Variants in SORCS2 observed in about 807,000 individuals in gnomAD.
SORCS2 encodes the protein VPS10 domain-containing receptor SorCS2.
Under a neutral mutation model 141.6 loss-of-function variants are expected in SORCS2, and 100 were observed. The ratio of observed to expected loss-of-function variants is 0.71; its 90% confidence interval spans 0.60 to 0.83. The LOEUF (loss-of-function observed/expected upper bound fraction) is 0.83. Among genes scored for constraint, SORCS2 ranks in the 40% least tolerant of loss-of-function variants. The pLI is 0.00. For synonymous variants in SORCS2, 789 were observed against 676.9 expected, an observed-to-expected ratio of 1.17 and a Z score of -2.57; for missense variants, 1,646 against 1,560.2, an observed-to-expected ratio of 1.05 and a Z score of -0.93.
intron 2 of SORCS2, among the ~76,000 whole-genome samples, chr4:7,465,787 C>T (rs1252469053): frequency 6.6e-6 from 1 of 152,180 alleles, no homozygotes; most frequent in Non-Finnish European, 1.5e-5. Context: ...AGAACGCAAG[C>T]CCAGACAAAG....
intron 9 of SORCS2, among the ~76,000 whole-genome samples, chr4:7,679,076 C>T (rs1723344780): frequency 1.3e-5 from 2 of 152,144 alleles, no homozygotes; most frequent in African/African-American, 4.8e-5. Context: ...TCTCACTGCC[C>T]ACGGCCAGTA....
intron 3 of SORCS2, among the ~76,000 whole-genome samples, chr4:7,544,356 G>T (rs1195230226): frequency 2.0e-5 from 3 of 152,236 alleles, no homozygotes; most frequent in Non-Finnish European, 4.4e-5. Flanking sequence ...TTGTTGATTA[G>T]GTGATGTGTT....
rs373084189 is a variant in SORCS2, at chr4:7,463,734, T to G, written c.548+67379T>G. Among the ~76,000 whole-genome samples the G allele has an allele frequency of 3.3e-5, 5 of 152,330 alleles. No homozygotes were observed. In the East Asian group the frequency reaches 5.8e-4, roughly 18 times the overall value. ...TGGGGAGACGGTGGTGCCACTCTCC[T>G]GCACCGCTCTGGAGCACCGCGCCGT... On this transcript the variant is annotated intron_variant, in intron 2 of 26. Coordinates refer to ENST00000507866, the MANE Select transcript of SORCS2 (RefSeq NM_020777.3).
At chr4:7,287,612 T>C (rs545451299) in intron 1 of SORCS2, among the ~76,000 whole-genome samples, 1 of 152,244 alleles carries the variant, frequency 6.6e-6, no homozygotes, top group African/African-American at 2.4e-5. Context: ...GAAAGTCTAA[T>C]TTTACAAGTT....
At chr4:7,515,572 C>T (rs915311663) in intron 2 of SORCS2, among the ~76,000 whole-genome samples, 5 of 152,236 alleles carry the variant, frequency 3.3e-5, no homozygotes, top group African/African-American at 9.6e-5. Flanking sequence ...GCCTGGACAC[C>T]GTCCATCCTG....
chr4:7,393,679 G>T (rs569864744), intron 1 of SORCS2, among the ~76,000 whole-genome samples: 3 of 152,312 alleles, frequency 2.0e-5, no homozygotes, highest in African/African-American at 7.2e-5. Flanking sequence ...CTGGGGCATT[G>T]CGGGGGTTGC....
rs143509987 is a variant in SORCS2 at position 7,322,404 on chromosome 4, C to A, written c.481-73884C>A. Reference sequence around the variant, plus strand: ...GCCCAGCCCAGCTGCACTTGCTGAGCCTGCTCTCACTTTCCCGGGGCCTCA... The same window carrying A: ...GCCCAGCCCAGCTGCACTTGCTGAGACTGCTCTCACTTTCCCGGGGCCTCA... On this transcript the variant is annotated intron_variant, in intron 1 of 26. Transcript: ENST00000507866. Among the ~76,000 whole-genome samples, 440 of 152,346 alleles carry A rather than the reference C, an allele frequency of 2.9e-3. 4 individuals carry two copies. The highest frequency in any genetic ancestry group is 0.01 in the African/African-American group (417 of 41,578).
intron 11 of SORCS2, among the ~76,000 whole-genome samples, chr4:7,693,138 G>A (rs1471293354): frequency 6.6e-6 from 1 of 152,206 alleles, no homozygotes; most frequent in Non-Finnish European, 1.5e-5. Flanking sequence ...GAGTGCTCCT[G>A]TGTTGGAGTG....
chr4:7,208,703 A>G (rs905896825), intron 1 of SORCS2, among the ~76,000 whole-genome samples: 4 of 152,058 alleles, frequency 2.6e-5, no homozygotes, highest in Non-Finnish European at 4.4e-5. Context: ...GGGTCCCCCA[A>G]GTTTTTCTAG....
chr4:7,369,875 T>G (rs539911578), intron 1 of SORCS2, among the ~76,000 whole-genome samples: 6 of 152,190 alleles, frequency 3.9e-5, no homozygotes, highest in Non-Finnish European at 7.3e-5. Flanking sequence ...TTCCGGAGCT[T>G]TCGCACACAG....
chr4:7,580,647 C>A (rs1391346760), intron 3 of SORCS2, among the ~76,000 whole-genome samples: 1 of 152,116 alleles, frequency 6.6e-6, no homozygotes, highest in Non-Finnish European at 1.5e-5. Flanking sequence ...TTCACATCTA[C>A]CTGTTTGGGA....
At chr4:7,271,145 C>T (rs1715096472) in intron 1 of SORCS2, among the ~76,000 whole-genome samples, 1 of 152,228 alleles carries the variant, frequency 6.6e-6, no homozygotes, top group Admixed American at 6.5e-5. Context: ...CCCCTGCTCC[C>T]ACCCTGCTGC....
rs560523908 is a variant in SORCS2 at position 7,455,322 on chromosome 4, T to C, written c.548+58967T>C. ...CAGGCACTGTGTTGGGGTCAGGCTC[T>C]GTGTTGGGGTCAGGCTCCGTGTTGG... On this transcript the variant is annotated intron_variant, in intron 2 of 26. Coordinates refer to ENST00000507866, the MANE Select transcript of SORCS2 (RefSeq NM_020777.3). Among the ~76,000 whole-genome samples the C allele has an allele frequency of 3.4e-3, 206 of 60,690 alleles. 7 individuals carry two copies. The highest frequency in any genetic ancestry group is 0.016 in the African/African-American group (191 of 11,954). 39.8% of individuals were successfully genotyped at this position (60,690 alleles called of 152,430 possible).
At chr4:7,350,709 G>A (rs1397760114) in intron 1 of SORCS2, among the ~76,000 whole-genome samples, 1 of 152,206 alleles carries the variant, frequency 6.6e-6, no homozygotes, top group African/African-American at 2.4e-5. Flanking sequence ...ATGCCACTTG[G>A]CAGTCCTTCT....
intron 2 of SORCS2, among the ~76,000 whole-genome samples, chr4:7,409,191 C>A (rs1278164154): frequency 1.3e-5 from 2 of 152,164 alleles, no homozygotes; most frequent in Non-Finnish European, 2.9e-5. Context: ...TCTTCTCTGT[C>A]TGACTTGTTT....
intron 1 of SORCS2, among the ~76,000 whole-genome samples, chr4:7,252,605 CTT>C (rs1713581318): frequency 6.6e-6 from 1 of 152,258 alleles, no homozygotes; most frequent in Non-Finnish European, 1.5e-5. Context: ...GACAGCGACT[CTT>C]TATTAGCTCC....
chr4:7,426,607 G>A (rs543187502), intron 2 of SORCS2, among the ~76,000 whole-genome samples: 2 of 152,152 alleles, frequency 1.3e-5, no homozygotes, highest in Non-Finnish European at 2.9e-5. Context: ...TCAGCCCGAT[G>A]GAAATAGCAC....
intron 1 of SORCS2, among the ~76,000 whole-genome samples, chr4:7,327,969 CTCA>C (rs1177445498): frequency 1.3e-5 from 2 of 151,402 alleles, no homozygotes; most frequent in Non-Finnish European, 1.5e-5. Flanking sequence ...CCTTCTCTTC[CTCA>C]TCATCAGAGT....
At chr4:7,312,128 G>C (rs763166633) in intron 1 of SORCS2, among the ~76,000 whole-genome samples, 1 of 152,146 alleles carries the variant, frequency 6.6e-6, no homozygotes, top group Non-Finnish European at 1.5e-5. Context: ...GCCCACCTTG[G>C]CCTCCCAAAG....
Sources: allele counts gnomAD v4.1 joint callset (sites outside exome capture counted in the v4.1 genomes callset), GRCh38; gene constraint gnomAD v4.1.1; transcripts MANE v1.5; gene names NCBI Gene and HGNC (gene_info 2026-07-23, HGNC 2026-07-21).